Variants in MTUS2 observed in about 807,000 individuals in gnomAD.
MTUS2 encodes the protein microtubule associated scaffold protein 2.
MTUS2 carries 40 observed loss-of-function variants against 114.1 expected under a neutral mutation model. The observed-to-expected ratio is 0.35, with a 90% CI of 0.27 to 0.46. MTUS2 has a LOEUF of 0.46. Ranked by LOEUF, MTUS2 falls within the 20% of genes least tolerant of loss-of-function variation. MTUS2 has a pLI of 1.00. For missense variants in MTUS2, 1,679 were observed against 1,705.4 expected (o/e 0.98, Z 0.27); for synonymous variants, 688 against 672.0 (o/e 1.02, Z -0.37).
At chr13:29,278,634 T>C (rs995828007) in intron 5 of MTUS2, among the ~76,000 whole-genome samples, 23 of 152,202 alleles carry the variant, frequency 1.5e-4, no homozygotes, top group African/African-American at 5.5e-4. Flanking sequence ...CTATCTCTGG[T>C]TAATGTGAAT....
At chr13:29,323,513 G>A (rs1231902966) in intron 6 of MTUS2, among the ~76,000 whole-genome samples, 1 of 152,156 alleles carries the variant, frequency 6.6e-6, no homozygotes, top group Non-Finnish European at 1.5e-5. Flanking sequence ...GCCTCCCAAA[G>A]TGCTGGGATG....
chr13:29,384,514 G>A (rs536284744), intron 8 of MTUS2, among the ~76,000 whole-genome samples: 8 of 152,316 alleles, frequency 5.3e-5, no homozygotes, highest in South Asian at 4.1e-4. Context: ...AGGCCAAGCT[G>A]GATTCTGAAT....
chr13:29,376,820 C>G (rs559107877), intron 8 of MTUS2, among the ~76,000 whole-genome samples: 3 of 152,060 alleles, frequency 2.0e-5, no homozygotes, highest in Non-Finnish European at 4.4e-5. Flanking sequence ...TAAAGATTGT[C>G]ATAGTATGTG....
intron 8 of MTUS2, among the ~76,000 whole-genome samples, chr13:29,398,072 G>A (rs1171809415): frequency 1.3e-5 from 2 of 152,134 alleles, no homozygotes; most frequent in East Asian, 1.9e-4. Flanking sequence ...TGTTGGTATT[G>A]TAAATACACA....
chr13:29,482,805 C>G (rs1214657506), intron 10 of MTUS2, among the ~76,000 whole-genome samples: 9 of 152,210 alleles, frequency 5.9e-5, no homozygotes, highest in Admixed American at 5.9e-4. Context: ...CTTTCCAACA[C>G]AAACCCATTG....
At chr13:29,119,321 T>C (rs1020014781) in intron 5 of MTUS2, among the ~76,000 whole-genome samples, 1 of 152,142 alleles carries the variant, frequency 6.6e-6, no homozygotes, top group African/African-American at 2.4e-5. Context: ...ATATAGTTTG[T>C]TTTGTTGCTG....
intron 2 of MTUS2, among the ~76,000 whole-genome samples, chr13:28,843,342 C>T (rs1875638905): frequency 6.6e-6 from 1 of 151,978 alleles, no homozygotes. Context: ...GTGAAGGAAC[C>T]CAGCGGTGTG....
Position 29,024,788 on chromosome 13 carries a change from A to G in MTUS2, c.90A>G (p.Leu30=). The change falls in exon 3 of 16, where the codon TTA becomes TTG. Residue 30 remains leucine (L), a synonymous_variant. Transcript: ENST00000612955. ...NAARNNNESI[L]SLGDTNANQI... ...CAAGAAATAATAATGAAAGCATCTT[A>G]AGTCTGGGAGATACGAATGCCAATC... The G allele has an allele frequency of 6.2e-7, 1 of 1,614,042 alleles. No homozygotes were observed. The highest frequency in any genetic ancestry group is 8.5e-7 in the Non-Finnish European group (1 of 1,179,898).
chr13:29,446,380 A>G (rs1878283296), intron 9 of MTUS2, among the ~76,000 whole-genome samples: 1 of 152,192 alleles, frequency 6.6e-6, no homozygotes, highest in Non-Finnish European at 1.5e-5. Context: ...GATTTGTTTC[A>G]AAGATCTTGG....
intron 7 of MTUS2, among the ~76,000 whole-genome samples, chr13:29,346,908 C>G (rs1264249865): frequency 6.6e-6 from 1 of 150,498 alleles, no homozygotes; most frequent in Non-Finnish European, 1.5e-5. Context: ...CCTATAAGGT[C>G]AAATCCTTCT....
chr13:29,492,899 G>A (rs1882293423), intron 12 of MTUS2, among the ~76,000 whole-genome samples, 180 bp downstream of exon 12: 1 of 152,174 alleles, frequency 6.6e-6, no homozygotes, highest in South Asian at 2.1e-4. Flanking sequence ...AGAAAGCTGT[G>A]ATGCAAATAG....
intron 5 of MTUS2, among the ~76,000 whole-genome samples, chr13:29,114,095 C>A (rs1181827633): frequency 6.6e-6 from 1 of 152,096 alleles, no homozygotes; most frequent in African/African-American, 2.4e-5. Flanking sequence ...CTGAGGCCCT[C>A]CCTAGAAGCA....
chr13:29,495,626 T>G (rs1199481985), intron 12 of MTUS2, among the ~76,000 whole-genome samples: 2 of 152,064 alleles, frequency 1.3e-5, no homozygotes, highest in African/African-American at 4.8e-5. Context: ...ATCCCGACAC[T>G]CTGGGAGGCC....
At chr13:29,041,360 T>C (rs193056540) in intron 4 of MTUS2, among the ~76,000 whole-genome samples, 2 of 152,206 alleles carry the variant, frequency 1.3e-5, no homozygotes, top group Admixed American at 6.5e-5. Flanking sequence ...CCTTATGGTA[T>C]AGTTTGAAGT....
intron 5 of MTUS2, among the ~76,000 whole-genome samples, chr13:29,278,220 A>G (rs1898137131): frequency 6.6e-6 from 1 of 152,254 alleles, no homozygotes; most frequent in Admixed American, 6.5e-5. Flanking sequence ...AGTACATAGG[A>G]GAACATCTTT....
intron 2 of MTUS2, among the ~76,000 whole-genome samples, chr13:28,972,186 T>C (rs1282104543): frequency 6.6e-6 from 1 of 152,122 alleles, no homozygotes; most frequent in Admixed American, 6.5e-5. Flanking sequence ...TAAAGCTGTA[T>C]TTGGAAGGTG....
chr13:29,136,720 C>T (rs2138982290), intron 5 of MTUS2, among the ~76,000 whole-genome samples: 2 of 152,342 alleles, frequency 1.3e-5, no homozygotes, highest in Middle Eastern at 6.8e-3. Context: ...CTATACATCT[C>T]TTCCATCTGG....
chr13:28,972,102 A>G lies in MTUS2; in HGVS notation c.-242-52355A>G, dbSNP rs777174343. On this transcript the variant is annotated intron_variant, in intron 2 of 15. Transcript: ENST00000612955. Reference sequence around the variant, plus strand: ...TTAAAACTCTGCACGCAGAACAACTATTGAGGAGAAAGAAATATTTTGCGT... The same window carrying G: ...TTAAAACTCTGCACGCAGAACAACTGTTGAGGAGAAAGAAATATTTTGCGT... 2.3e-4 allele frequency among the ~76,000 whole-genome samples: 35 copies of G among 152,212 alleles called. 1 individual carries two copies. The highest frequency in any genetic ancestry group is 3.4e-4 in the Non-Finnish European group (23 of 68,036).
intron 2 of MTUS2, among the ~76,000 whole-genome samples, chr13:28,985,203 T>C (rs2138310981): frequency 6.6e-6 from 1 of 152,334 alleles, no homozygotes; most frequent in Admixed American, 6.5e-5. Context: ...GAGCTTAATG[T>C]TAAGATTTTA....
Sources: gnomAD v4.1 joint callset for allele counts (sites outside exome capture counted in the v4.1 genomes callset) on GRCh38, gnomAD v4.1.1 for gene constraint, MANE v1.5 for transcripts, NCBI Gene and HGNC (gene_info 2026-07-23, HGNC 2026-07-21) for gene names.